The following FER variants were observed in gnomAD, a reference collection of about 807,000 sequenced individuals.
FER encodes the protein tyrosine-protein kinase Fer.
In FER, 63 loss-of-function variants were observed where a neutral mutation model predicts 111.0. The ratio of observed to expected loss-of-function variants is 0.57; its 90% confidence interval spans 0.46 to 0.70. The LOEUF is 0.70. FER is among the 30% of genes least tolerant of loss of function. The pLI is 0.00. For synonymous variants in FER, 327 were observed against 313.9 expected, an observed-to-expected ratio of 1.04 and a Z score of -0.44; for missense variants, 914 against 954.0, an observed-to-expected ratio of 0.96 and a Z score of 0.55.
In FER at chr5:109,150,262, G is replaced by A. The variant is rs73215521; in HGVS notation, c.2049-30485G>A. Among the ~76,000 whole-genome samples, 797 of 152,098 alleles carry A rather than the reference G, an allele frequency of 5.2e-3. 7 individuals carry two copies. The highest frequency in any genetic ancestry group is 0.018 in the African/African-American group (762 of 41,500). The stretch of plus-strand genomic sequence containing the variant: ...ATCAGCTGGCTCTCATTTTCTCTAA[G>A]TCATCGCTTCCTTCCTTTGAACCCA... On this transcript the variant is annotated intron_variant, in intron 17 of 19. Transcript: ENST00000281092.
chr5:109,149,919 C>T (rs923782367), intron 17 of FER, among the ~76,000 whole-genome samples: 15 of 152,106 alleles, frequency 9.9e-5, no homozygotes, highest in Non-Finnish European at 1.6e-4. Context: ...AGCATTACCG[C>T]CTGAGCTCCA....
intron 1 of FER, among the ~76,000 whole-genome samples, chr5:108,763,697 T>TA (rs1752004804): frequency 6.6e-6 from 1 of 152,310 alleles, no homozygotes; most frequent in Admixed American, 6.5e-5. Flanking sequence ...GGCTGTCTGT[T>TA]ATGCAAATAT....
intron 17 of FER, among the ~76,000 whole-genome samples, chr5:109,157,292 A>T (rs1755505009): frequency 6.6e-6 from 1 of 152,106 alleles, no homozygotes; most frequent in Admixed American, 6.6e-5. Flanking sequence ...TGTTACACAG[A>T]TTTTCTTAGT....
At position 108,792,333 on chromosome 5, in the gene FER, T is replaced by C. The variant is rs540473104; in HGVS notation, c.-59-5791T>C. 1.9e-4 allele frequency among the ~76,000 whole-genome samples: 29 copies of C among 152,332 alleles called. 1 individual carries two copies. In the Middle Eastern group the frequency reaches 0.02, roughly 107 times the overall value. On this transcript the variant is annotated intron_variant, in intron 2 of 19. Transcript: ENST00000281092. ...ACATGAATATTTCAATTTACTTAGT[T>C]CTTTTAAAATTACTTTCTTTTTTGA...
chr5:108,760,306 A>G lies in FER; in HGVS notation c.-205-7787A>G, dbSNP rs567555693. Among the ~76,000 whole-genome samples the G allele has an allele frequency of 2.6e-5, 4 of 152,002 alleles. No homozygotes were observed. The South Asian group carries it at 6.2e-4, about 24-fold the overall frequency. On this transcript the variant is annotated intron_variant, in intron 1 of 19. Coordinates refer to ENST00000281092, the MANE Select transcript of FER (RefSeq NM_005246.4). ...AGTAGATTTAGTATCATTCTTATGG[A>G]CTCTGCAATATTTAGAATGGGCAAT...
At chr5:109,179,414 A>G (rs1221702406) in intron 17 of FER, among the ~76,000 whole-genome samples, 1 of 152,112 alleles carries the variant, frequency 6.6e-6, no homozygotes, top group African/African-American at 2.4e-5. Context: ...GGGTTTGAAT[A>G]TTTGTCCAAT....
chr5:108,850,747 T>G (rs1025254616), intron 5 of FER, among the ~76,000 whole-genome samples: 1 of 152,182 alleles, frequency 6.6e-6, no homozygotes, highest in Non-Finnish European at 1.5e-5. Context: ...CATAATTGAT[T>G]TTACTACACC....
intron 9 of FER, among the ~76,000 whole-genome samples, chr5:108,893,469 C>G (rs549547009): frequency 1.5e-4 from 23 of 151,880 alleles, no homozygotes; most frequent in African/African-American, 5.1e-4. Context: ...TCTACGTTAA[C>G]TCTTTTCTGC....
chr5:108,970,433 C>A (rs975210707), intron 13 of FER, among the ~76,000 whole-genome samples: 9 of 151,768 alleles, frequency 5.9e-5, no homozygotes, highest in Admixed American at 5.9e-4. Context: ...TGTTAGCCAG[C>A]ATGGTCTTGA....
intron 5 of FER, among the ~76,000 whole-genome samples, chr5:108,847,166 T>G (rs533080362): frequency 6.6e-6 from 1 of 151,740 alleles, no homozygotes; most frequent in African/African-American, 2.4e-5. Flanking sequence ...CTTTTTTTTT[T>G]TGCAGTTTGC....
chr5:108,777,325 A>G (rs1753599596), intron 2 of FER, among the ~76,000 whole-genome samples: 3 of 152,212 alleles, frequency 2.0e-5, no homozygotes, highest in Admixed American at 2.0e-4. Flanking sequence ...GGAGAAAGGT[A>G]CAGAGATTTC....
At chr5:108,870,344 T>C (rs1764484643) in intron 6 of FER, among the ~76,000 whole-genome samples, 1 of 152,130 alleles carries the variant, frequency 6.6e-6, no homozygotes, top group East Asian at 1.9e-4. Context: ...TTTACTGTAT[T>C]GCTTTAAAAG....
At chr5:108,791,471 G>C (rs1305512281) in intron 2 of FER, among the ~76,000 whole-genome samples, 1 of 150,516 alleles carries the variant, frequency 6.6e-6, no homozygotes, top group Non-Finnish European at 1.5e-5. Context: ...CCATTTTTTT[G>C]TTCGTTTTTC....
rs1190505186 is a variant in FER at position 109,190,007 on chromosome 5, T to C, written c.*2432T>C. On this transcript the variant is annotated 3_prime_UTR_variant, in exon 20 of 20. Transcript: ENST00000281092. ...GGTATAGTTCAGGATTAATAACTTATTGGGAGTCTCTCAGTCATATAGAAT... is the reference window on the plus strand; with the variant it reads ...GGTATAGTTCAGGATTAATAACTTACTGGGAGTCTCTCAGTCATATAGAAT... 4 of 152,212 alleles carry C rather than the reference T, an allele frequency of 2.6e-5. No homozygotes were observed. The highest frequency in any genetic ancestry group is 5.9e-5 in the Non-Finnish European group (4 of 68,030). 9.4% of individuals were successfully genotyped at this position (152,212 alleles called of 1,614,324 possible).
chr5:109,087,797 G>A (rs562598958), intron 16 of FER, among the ~76,000 whole-genome samples: 1 of 151,718 alleles, frequency 6.6e-6, no homozygotes, highest in East Asian at 1.9e-4. Flanking sequence ...GTATGTATGT[G>A]TAAGCATTTG....
intron 2 of FER, among the ~76,000 whole-genome samples, chr5:108,792,058 A>G (rs904377279): frequency 6.6e-6 from 1 of 152,216 alleles, no homozygotes; most frequent in Non-Finnish European, 1.5e-5. Context: ...TCCAGATGCC[A>G]TTACCATAGT....
At chr5:108,748,203 C>G (rs1750007224) in intron 1 of FER, among the ~76,000 whole-genome samples, 1 of 152,218 alleles carries the variant, frequency 6.6e-6, no homozygotes, top group Non-Finnish European at 1.5e-5. Context: ...ACGTTAATAA[C>G]AGATACAAGT....
chr5:109,010,462 T>TA (rs917091273), intron 13 of FER, among the ~76,000 whole-genome samples: 1 of 152,172 alleles, frequency 6.6e-6, no homozygotes, highest in Non-Finnish European at 1.5e-5. Flanking sequence ...CAGCCTTTTT[T>TA]ATCCTTCTTT....
chr5:108,805,788 A>G (rs1234207885), intron 3 of FER, among the ~76,000 whole-genome samples: 2 of 152,180 alleles, frequency 1.3e-5, no homozygotes, highest in African/African-American at 4.8e-5. Flanking sequence ...GCAGCAAAGC[A>G]CTCAAGAGGT....
Sources: allele counts gnomAD v4.1 joint callset (sites outside exome capture counted in the v4.1 genomes callset), GRCh38; gene constraint gnomAD v4.1.1; transcripts MANE v1.5; gene names NCBI Gene and HGNC (gene_info 2026-07-23, HGNC 2026-07-21).